POLR3H: variants seen among roughly 807,000 people sequenced by gnomAD.
POLR3H encodes DNA-directed RNA polymerase III subunit RPC8.
POLR3H carries 17 observed loss-of-function variants against 25.5 expected under a neutral mutation model. The ratio of observed to expected loss-of-function variants is 0.67; its 90% CI spans 0.46 to 1.00. The LOEUF (loss-of-function observed/expected upper bound fraction) is 1.00, where lower values mean the gene tolerates loss of function less well. Among genes scored for constraint, POLR3H ranks in the 50% least tolerant of loss-of-function variants. The probability of loss-of-function intolerance (pLI) is 0.00; values close to 1 mark genes in which losing one functional copy is unlikely to be tolerated. For missense variants in POLR3H, 274 were observed against 265.0 expected, an observed-to-expected ratio of 1.03 and a Z score of -0.24; for synonymous variants, 129 against 103.0, an observed-to-expected ratio of 1.25 and a Z score of -1.53.
At chr22:41,542,271 A>G (rs936651274) in intron 1 of POLR3H, among the ~76,000 whole-genome samples, 3 of 152,012 alleles carry the variant, frequency 2.0e-5, no homozygotes, top group African/African-American at 7.2e-5. Flanking sequence ...TTTAGTAGAC[A>G]TGGGGCTTCA....
rs2066858813 is a variant in POLR3H, at chr22:41,536,928, C to G, written c.208+3771G>C. ...GGTGGGGGGTGTCTCTGCACCAACT[C>G]TAGCTGAGGAGGCTGCCCGATTTGC... On this transcript the variant is annotated intron_variant, in intron 2 of 5. Coordinates refer to ENST00000355209, the MANE Select transcript of POLR3H (RefSeq NM_001018050.4). Among the ~76,000 whole-genome samples the G allele has an allele frequency of 4.0e-5, 6 of 150,010 alleles. No individual in the cohort carries two copies. The South Asian group carries it at 1.3e-3, about 32-fold the overall frequency.
chr22:41,527,245 T>C lies in POLR3H; in HGVS notation c.*2038A>G, dbSNP rs761981404. On this transcript the variant is annotated 3_prime_UTR_variant, in exon 6 of 6. Transcript: ENST00000355209. ...GGTAGGGCCAGACAGGTGAGGACGG[T>C]GCCCTCCTCTGCCTTATAACCTTAC... The C allele has an allele frequency of 1.9e-6, 3 of 1,613,136 alleles. No homozygotes were observed.
chr22:41,533,165 C>CT (rs1011693468), intron 2 of POLR3H, among the ~76,000 whole-genome samples: 4 of 152,234 alleles, frequency 2.6e-5, no homozygotes, highest in African/African-American at 9.6e-5. Context: ...TAAAAATGCC[C>CT]TGGTGTTGTG....
At chr22:41,534,101 C>T (rs1267078518) in intron 2 of POLR3H, among the ~76,000 whole-genome samples, 1 of 151,836 alleles carries the variant, frequency 6.6e-6, no homozygotes, top group Non-Finnish European at 1.5e-5. Context: ...CATGCCACTG[C>T]GCTCCAGCCT....
At position 41,527,121 on chromosome 22, in the gene POLR3H, G is replaced by A. The variant is rs1334766435; in HGVS notation, c.*2162C>T. ...GCCTCGTTTGGGTCTCATTCACGCA[G>A]GCTTCACTTGCCCTTAGGCAGCAGG... On this transcript the variant is annotated 3_prime_UTR_variant, in exon 6 of 6. Transcript: ENST00000355209. 4.1e-6 allele frequency: 4 copies of A among 985,188 alleles called. No homozygotes were observed. In the Admixed American group the frequency reaches 1.0e-4, roughly 26 times the overall value. 61.0% of individuals were successfully genotyped at this position (985,188 alleles called of 1,614,324 possible).
At chr22:41,537,314 G>A (rs891267933) in intron 2 of POLR3H, among the ~76,000 whole-genome samples, 7 of 152,216 alleles carry the variant, frequency 4.6e-5, no homozygotes, top group South Asian at 2.1e-4. Context: ...TAGGGAAACC[G>A]AGTTTCAGAG....
intron 5 of POLR3H, chr22:41,529,760 G>T (rs112595404): frequency 0.038 from 16,201 of 431,260 alleles, 348 homozygotes; most frequent in South Asian, 0.086. Flanking sequence ...CCTTTTTTTT[G>T]TTGTTTTTTT....
chr22:41,534,638 T>A (rs1224007064), intron 2 of POLR3H, among the ~76,000 whole-genome samples: 2 of 152,068 alleles, frequency 1.3e-5, no homozygotes, highest in African/African-American at 4.8e-5. Flanking sequence ...AAGTCTGTAA[T>A]CCCAGCACTT....
In POLR3H at chr22:41,526,061, G is replaced by A. The variant is rs988514073; in HGVS notation, c.*3222C>T. The A allele has an allele frequency of 4.5e-5, 24 of 536,854 alleles. No individual in the cohort carries two copies. The highest frequency in any genetic ancestry group is 7.9e-5 in the Non-Finnish European group (24 of 302,732). The allele number at this position is 536,854 out of a possible 1,614,324, so 33.3% of individuals were successfully genotyped here. A position where few individuals can be genotyped will look rare whatever the true frequency, so the allele number is the denominator to read the frequency against. On this transcript the variant is annotated 3_prime_UTR_variant, in exon 6 of 6. Transcript: ENST00000355209. ...ACTGAGCAGCCAGAGGCCTTTGAGG[G>A]GATGAAGGCCTGGCCTGAGCCCATG...
At chr22:41,541,402 A>G (rs373381743) in intron 1 of POLR3H, among the ~76,000 whole-genome samples, 1 of 152,190 alleles carries the variant, frequency 6.6e-6, no homozygotes, top group African/African-American at 2.4e-5. Context: ...CCTAGGCCCC[A>G]AGAATGTGCA....
chr22:41,540,369 G>C (rs1365255781), intron 2 of POLR3H: 1 of 384,782 alleles, frequency 2.6e-6, no homozygotes, highest in Non-Finnish European at 5.0e-6. Flanking sequence ...AGGGAACAGA[G>C]GCCCAGAGAA....
At chr22:41,540,098 A>T (rs1427279483) in intron 2 of POLR3H, 1 of 186,326 alleles carries the variant, frequency 5.4e-6, no homozygotes, top group African/African-American at 2.4e-5. Context: ...CAGGACACAC[A>T]GCTAGTAAGA....
intron 5 of POLR3H, chr22:41,529,569 C>G: frequency 1.4e-6 from 1 of 692,416 alleles, no homozygotes; most frequent in Non-Finnish European, 2.6e-6. Flanking sequence ...GTCAGGGACC[C>G]TTCCTCACCC....
chr22:41,531,968 G>A (rs922556106), intron 4 of POLR3H, 126 bp downstream of exon 4: 8 of 787,348 alleles, frequency 1.0e-5, no homozygotes, highest in South Asian at 4.7e-5. Flanking sequence ...AAGCACAGGC[G>A]AGGGGCAGGC....
chr22:41,532,604 C>T (rs1190754986), intron 3 of POLR3H, 55 bp downstream of exon 3: 2 of 1,613,406 alleles, frequency 1.2e-6, no homozygotes, highest in Non-Finnish European at 1.7e-6. Flanking sequence ...GGACACAGAC[C>T]TCCTGCCCCC....
At position 41,527,465 on chromosome 22, in the gene POLR3H, T is replaced by A; in HGVS notation, c.*1818A>T. On this transcript the variant is annotated 3_prime_UTR_variant, in exon 6 of 6. Transcript: ENST00000355209. ...CAGGCCATCCTCATCCCATCCCTAGTGATCAAGGTCACTCTCCCTGCCCGT... is the reference window on the plus strand; with the variant it reads ...CAGGCCATCCTCATCCCATCCCTAGAGATCAAGGTCACTCTCCCTGCCCGT... 6.4e-7 allele frequency: 1 copy of A among 1,568,446 alleles called. No homozygotes were observed. Among genetic ancestry groups the A allele is most frequent in the Non-Finnish European group, 8.6e-7 (1 of 1,157,768 alleles).
At position 41,527,767 on chromosome 22, in the gene POLR3H, C is replaced by T; in HGVS notation, c.*1516G>A. ...CCTAGTGAAAGGGAGCAGACCAGGGCCCCATAGTCACTGCCCGGGCATTGT... is the reference window on the plus strand; with the variant it reads ...CCTAGTGAAAGGGAGCAGACCAGGGTCCCATAGTCACTGCCCGGGCATTGT... On this transcript the variant is annotated 3_prime_UTR_variant, in exon 6 of 6. Transcript: ENST00000355209. The T allele has an allele frequency of 1.4e-6, 2 of 1,446,388 alleles. No homozygotes were observed. The highest frequency in any genetic ancestry group is 9.4e-7 in the Non-Finnish European group (1 of 1,065,770). 89.6% of individuals were successfully genotyped at this position (1,446,388 alleles called of 1,614,324 possible). A position where few individuals can be genotyped will look rare whatever the true frequency, so the allele number is the denominator to read the frequency against.
chr22:41,544,398 G>A lies in POLR3H; in HGVS notation c.-297C>T, dbSNP rs2066987817. 3 of 262,444 alleles carry A rather than the reference G, an allele frequency of 1.1e-5. No homozygotes were observed. Among genetic ancestry groups the A allele is most frequent in the African/African-American group, 2.4e-5 (1 of 40,942 alleles). The allele number at this position is 262,444 out of a possible 1,614,324, so 16.3% of individuals were successfully genotyped here. A position where few individuals can be genotyped will look rare whatever the true frequency, so the allele number is the denominator to read the frequency against. Reference sequence around the variant, plus strand: ...CCACGCCACTCCACGCCCCGCACCCGCGCCACGTGCCGCCGCTCGTATCAC... The same window carrying A: ...CCACGCCACTCCACGCCCCGCACCCACGCCACGTGCCGCCGCTCGTATCAC... On this transcript the variant is annotated 5_prime_UTR_variant, in exon 1 of 6. Coordinates refer to ENST00000355209, the MANE Select transcript of POLR3H (RefSeq NM_001018050.4).
intron 5 of POLR3H, chr22:41,529,718 C>A (rs1245041986): frequency 3.7e-6 from 2 of 537,174 alleles, no homozygotes; most frequent in African/African-American, 1.9e-5. Context: ...TTTTATTTCA[C>A]TGCTGCAATG....
Sources: gnomAD v4.1 joint callset for allele counts (sites outside exome capture counted in the v4.1 genomes callset) on GRCh38, gnomAD v4.1.1 for gene constraint, MANE v1.5 for transcripts, NCBI Gene and HGNC (gene_info 2026-07-23, HGNC 2026-07-21) for gene names.